Variants in ZDHHC14 observed in about 807,000 individuals in gnomAD.
ZDHHC14 encodes palmitoyltransferase ZDHHC14.
In ZDHHC14, 16 loss-of-function variants were observed where a neutral mutation model predicts 47.7. The observed-to-expected ratio is 0.34, with a 90% CI of 0.23 to 0.51. The LOEUF is 0.51. Ranked by LOEUF, ZDHHC14 falls within the 20% of genes least tolerant of loss-of-function variation. ZDHHC14 has a pLI of 0.97. For synonymous variants in ZDHHC14, 293 were observed against 278.9 expected (o/e 1.05, Z -0.50); for missense variants, 515 against 662.5 (o/e 0.78, Z 2.44).
chr6:157,634,551 G>A (rs546466372), intron 5 of ZDHHC14, among the ~76,000 whole-genome samples: 126 of 152,308 alleles, frequency 8.3e-4, no homozygotes, highest in African/African-American at 2.9e-3. Context: ...CCTTCCTAAA[G>A]AAAAGGCTTG....
intron 8 of ZDHHC14, among the ~76,000 whole-genome samples, chr6:157,657,558 A>C (rs1169108677): frequency 1.3e-5 from 2 of 152,194 alleles, no homozygotes; most frequent in African/African-American, 4.8e-5. Context: ...TCTCAGGATC[A>C]AGGTCTTGCT....
At chr6:157,504,802 T>C (rs1273657702) in intron 1 of ZDHHC14, among the ~76,000 whole-genome samples, 1 of 151,850 alleles carries the variant, frequency 6.6e-6, no homozygotes, top group African/African-American at 2.4e-5. Flanking sequence ...TTTGTTTTGT[T>C]TTGTTTTGTT....
At chr6:157,486,438 T>C (rs1405798758) in intron 1 of ZDHHC14, among the ~76,000 whole-genome samples, 1 of 152,240 alleles carries the variant, frequency 6.6e-6, no homozygotes, top group African/African-American at 2.4e-5. Flanking sequence ...GAATATTCTT[T>C]CTAGCTATGA....
intron 1 of ZDHHC14, among the ~76,000 whole-genome samples, chr6:157,448,371 A>C (rs1583653958): frequency 6.6e-6 from 1 of 152,134 alleles, no homozygotes; most frequent in Non-Finnish European, 1.5e-5. Context: ...AATGTGGCGG[A>C]TATCTATAAA....
intron 2 of ZDHHC14, among the ~76,000 whole-genome samples, chr6:157,547,549 T>C (rs1021805523): frequency 3.3e-5 from 5 of 150,788 alleles, no homozygotes; most frequent in African/African-American, 1.2e-4. Context: ...AATTCTGTAT[T>C]TAAGAGTAGA....
intron 1 of ZDHHC14, among the ~76,000 whole-genome samples, chr6:157,416,760 A>G (rs1777981107): frequency 6.6e-6 from 1 of 150,462 alleles, no homozygotes; most frequent in South Asian, 2.1e-4. Context: ...AATGAAAACT[A>G]ATTCACCTCC....
intron 2 of ZDHHC14, among the ~76,000 whole-genome samples, chr6:157,566,849 A>ATTTT (rs34288957): frequency 2.9e-4 from 39 of 136,686 alleles, no homozygotes; most frequent in African/African-American, 1.1e-3. Context: ...AGCAAGGGGA[A>ATTTT]TTTTTTTTTT....
At chr6:157,618,282 CGAA>C (rs1437906518) in intron 3 of ZDHHC14, among the ~76,000 whole-genome samples, 2 of 151,834 alleles carry the variant, frequency 1.3e-5, no homozygotes, top group Non-Finnish European at 2.9e-5. Context: ...CACCAACACA[CGAA>C]GACCGTTTTT....
chr6:157,396,320 A>C (rs1161861463), intron 1 of ZDHHC14, among the ~76,000 whole-genome samples: 3 of 152,160 alleles, frequency 2.0e-5, no homozygotes, highest in African/African-American at 7.2e-5. Flanking sequence ...TGATCTTTCC[A>C]GTGAGCCTCA....
Position 157,645,840 on chromosome 6 carries a change from G to GT in ZDHHC14, c.855+2dup. The GT allele has an allele frequency of 6.2e-7, 1 of 1,613,532 alleles. No individual in the cohort carries two copies. Among genetic ancestry groups the GT allele is most frequent in the Admixed American group, 1.7e-5 (1 of 60,018 alleles). The stretch of plus-strand genomic sequence containing the variant: ...CTCCAACCAGACAACAAATGAGGAC[G>GT]TAAGTTCCTGACCACACGGGACACG... On this transcript the variant is annotated splice_donor_variant, in intron 6 of 8. Coordinates refer to ENST00000359775, the MANE Select transcript of ZDHHC14 (RefSeq NM_024630.3). LOFTEE classifies it high-confidence loss of function.
chr6:157,460,851 G>T (rs1355823345), intron 1 of ZDHHC14, among the ~76,000 whole-genome samples: 1 of 152,192 alleles, frequency 6.6e-6, no homozygotes, highest in Non-Finnish European at 1.5e-5. Context: ...GGTGCAGGCC[G>T]ATGTGGGCCT....
chr6:157,648,602 G>T (rs185158386), intron 7 of ZDHHC14, among the ~76,000 whole-genome samples: 48 of 152,214 alleles, frequency 3.2e-4, no homozygotes, highest in African/African-American at 1.2e-3. Flanking sequence ...CTGAACTAGG[G>T]GTCCTCAAGG....
At position 157,460,812 on chromosome 6, in the gene ZDHHC14, G is replaced by A. The variant is rs144924283; in HGVS notation, c.245+78546G>A. ...GGCTGGGGATGGGTTAGAGACAGCA[G>A]GCGAGGAGGGTTTCCCTGAAGATGC... On this transcript the variant is annotated intron_variant, in intron 1 of 8. Transcript: ENST00000359775. 6.7e-3 allele frequency among the ~76,000 whole-genome samples: 1,017 copies of A among 152,332 alleles called. 8 individuals are homozygous for A. Among genetic ancestry groups the A allele is most frequent in the Middle Eastern group, 0.01 (3 of 294 alleles).
At chr6:157,634,334 A>G (rs1340605965) in intron 5 of ZDHHC14, among the ~76,000 whole-genome samples, 4 of 152,158 alleles carry the variant, frequency 2.6e-5, no homozygotes, top group African/African-American at 9.7e-5. Flanking sequence ...ATGATTTGGG[A>G]AGAAGTTGAC....
intron 1 of ZDHHC14, among the ~76,000 whole-genome samples, chr6:157,493,028 G>A (rs1036518380): frequency 6.6e-6 from 1 of 152,124 alleles, no homozygotes; most frequent in African/African-American, 2.4e-5. Flanking sequence ...TTGAGGCAGG[G>A]GAGTCACCTT....
chr6:157,515,022 A>G (rs771225469), intron 1 of ZDHHC14, among the ~76,000 whole-genome samples: 5 of 152,214 alleles, frequency 3.3e-5, no homozygotes, highest in Non-Finnish European at 7.3e-5. Flanking sequence ...GTATTTAGTG[A>G]GAACATTTTG....
At chr6:157,510,201 G>A (rs112652450) in intron 1 of ZDHHC14, among the ~76,000 whole-genome samples, 17,690 of 152,046 alleles carry the variant, frequency 0.12, 1,306 homozygotes, top group Non-Finnish European at 0.15. Context: ...CCCAGATCGC[G>A]CCACTGCACT....
chr6:157,649,996 C>T lies in ZDHHC14; in HGVS notation c.965+2628C>T, dbSNP rs1326842258. ...CTCTGTGCCAGGCGCTGGGGGTGCA[C>T]GGGAGAGGGGCTGGCTCTGTGCCAG... On this transcript the variant is annotated intron_variant, in intron 7 of 8. Coordinates refer to ENST00000359775, the MANE Select transcript of ZDHHC14 (RefSeq NM_024630.3). Among the ~76,000 whole-genome samples, 5 of 144,210 alleles carry T rather than the reference C, an allele frequency of 3.5e-5. 1 individual carries two copies. The highest frequency in any genetic ancestry group is 1.0e-4 in the African/African-American group (4 of 38,360). The allele number at this position is 144,210 out of a possible 152,430, so 94.6% of individuals were successfully genotyped here. A position where few individuals can be genotyped will look rare whatever the true frequency, so the allele number is the denominator to read the frequency against.
intron 1 of ZDHHC14, among the ~76,000 whole-genome samples, chr6:157,432,729 T>C (rs893918235): frequency 6.6e-6 from 1 of 152,208 alleles, no homozygotes; most frequent in Non-Finnish European, 1.5e-5. Context: ...ATTTTATGAA[T>C]GGCAAAATGG....
Sources: allele counts gnomAD v4.1 joint callset (sites outside exome capture counted in the v4.1 genomes callset), GRCh38; gene constraint gnomAD v4.1.1; transcripts MANE v1.5; gene names NCBI Gene and HGNC (gene_info 2026-07-23, HGNC 2026-07-21).